Variants in PDE12 observed in about 807,000 individuals in gnomAD.
PDE12 encodes the protein 2',5'-phosphodiesterase 12.
A neutral mutation model predicts 45.4 loss-of-function variants in PDE12; 26 were observed. That is an observed-to-expected ratio of 0.57 (90% CI 0.42 to 0.79). PDE12 has a LOEUF of 0.79. PDE12 is among the 30% of genes least tolerant of loss of function. PDE12 has a pLI of 0.00. For missense variants in PDE12, 668 were observed against 790.0 expected (o/e 0.85, Z 1.85); for synonymous variants, 283 against 323.9 (o/e 0.87, Z 1.36).
chr3:57,591,513 C>T, the PDE12 span, among the ~76,000 whole-genome samples: 1 of 150,306 alleles, frequency 6.7e-6, no homozygotes, highest in Non-Finnish European at 1.5e-5. Flanking sequence ...GTCACCTAGG[C>T]TGGAGTGCAA....
rs772788019 is a variant in PDE12, at chr3:57,559,391, A to G, written c.1387+3A>G. On this transcript the variant is annotated splice_donor_region_variant and intron_variant, in intron 2 of 2. Transcript: ENST00000311180. ...CCATCTTTACTGGCATCCTAAAGGT[A>G]GGTTTTATTTGGTATCACAAGTGAC... 3.7e-6 allele frequency: 6 copies of G among 1,607,266 alleles called. No individual in the cohort carries two copies. In the South Asian group the frequency reaches 4.4e-5, roughly 12 times the overall value.
the PDE12 span, among the ~76,000 whole-genome samples, chr3:57,614,513 C>A: frequency 4.0e-5 from 6 of 150,392 alleles, no homozygotes; most frequent in African/African-American, 1.5e-4. Context: ...GTGGCTCACG[C>A]CTGTAATCCG....
chr3:57,563,351 T>C lies in PDE12; in HGVS notation c.*3347T>C, dbSNP rs2069746524. The C allele has an allele frequency of 6.6e-6, 1 of 152,132 alleles. No homozygotes were observed. Among genetic ancestry groups the C allele is most frequent in the African/African-American group, 2.4e-5 (1 of 41,428 alleles). The allele number at this position is 152,132 out of a possible 1,614,324, so 9.4% of individuals were successfully genotyped here. On this transcript the variant is annotated 3_prime_UTR_variant, in exon 3 of 3. Coordinates refer to ENST00000311180, the MANE Select transcript of PDE12 (RefSeq NM_177966.7). The stretch of plus-strand genomic sequence containing the variant: ...CATAACTGAAAACTAACTTTCTTTT[T>C]TTCTTTTTTTATTATTATACTTTAA...
chr3:57,571,971 C>G, the PDE12 span: 2 of 443,588 alleles, frequency 4.5e-6, no homozygotes, highest in East Asian at 7.4e-5. Context: ...GGCATTTACG[C>G]TTATGGGAAG....
At chr3:57,597,084 G>A in the PDE12 span, 1 of 1,613,982 alleles carries the variant, frequency 6.2e-7, no homozygotes, top group East Asian at 2.2e-5. Flanking sequence ...CCATCAAAAT[G>A]CGCATCTGCT....
At chr3:57,618,607 G>GTTTTTTTTTTT in the PDE12 span, among the ~76,000 whole-genome samples, 38 of 79,396 alleles carry the variant, frequency 4.8e-4, 2 homozygotes, top group South Asian at 1.2e-3. Flanking sequence ...TTGCTTTTGT[G>GTTTTTTTTTTT]TTTTTTTTTT....
At chr3:57,583,444 T>C in the PDE12 span, among the ~76,000 whole-genome samples, 3 of 152,182 alleles carry the variant, frequency 2.0e-5, no homozygotes, top group Non-Finnish European at 4.4e-5. Flanking sequence ...TATATATACA[T>C]ACTATGTGGC....
At chr3:57,586,925 A>G in the PDE12 span, among the ~76,000 whole-genome samples, 2 of 152,122 alleles carry the variant, frequency 1.3e-5, no homozygotes, top group African/African-American at 4.8e-5. Flanking sequence ...ATTGAAACTG[A>G]GACGCTGATT....
chr3:57,654,613 T>C, the PDE12 span: 1 of 982,080 alleles, frequency 1.0e-6, no homozygotes, highest in African/African-American at 1.7e-5. Context: ...AATGTCTATT[T>C]CTTTCAACAG....
chr3:57,641,578 A>G, the PDE12 span: 1 of 1,285,432 alleles, frequency 7.8e-7, no homozygotes, highest in South Asian at 1.6e-5. Flanking sequence ...CATAAAAAAT[A>G]ATCAAGGATG....
chr3:57,645,610 A>C, the PDE12 span: 6 of 1,350,866 alleles, frequency 4.4e-6, no homozygotes, highest in South Asian at 1.3e-5. Flanking sequence ...AATTCTACAC[A>C]ATTTTGGTTA....
chr3:57,585,515 AAAC>A, the PDE12 span, among the ~76,000 whole-genome samples: 17 of 152,334 alleles, frequency 1.1e-4, no homozygotes, highest in South Asian at 1.2e-3. Flanking sequence ...TACCTAATGT[AAAC>A]AACGAGTTAA....
At chr3:57,583,254 T>C in the PDE12 span, among the ~76,000 whole-genome samples, 1 of 152,142 alleles carries the variant, frequency 6.6e-6, no homozygotes, top group African/African-American at 2.4e-5. Flanking sequence ...GATATGCATA[T>C]TAAAGTTTAA....
chr3:57,592,562 T>C, the PDE12 span, among the ~76,000 whole-genome samples: 1 of 152,124 alleles, frequency 6.6e-6, no homozygotes, highest in Non-Finnish European at 1.5e-5. Context: ...TACGGAAAAA[T>C]GTGAACTTAG....
At chr3:57,587,770 C>T in the PDE12 span, among the ~76,000 whole-genome samples, 2 of 151,984 alleles carry the variant, frequency 1.3e-5, no homozygotes, top group East Asian at 1.9e-4. Context: ...AAAAATAATG[C>T]GCCCATAATG....
the PDE12 span, chr3:57,628,371 T>A: frequency 6.2e-7 from 1 of 1,607,892 alleles, no homozygotes; most frequent in East Asian, 2.2e-5. Context: ...TTCATAACAT[T>A]TAAATTATCC....
the PDE12 span, among the ~76,000 whole-genome samples, chr3:57,644,701 G>GGAAAGACAGAAAGAAAAGGAAAA: frequency 1.4e-5 from 1 of 69,198 alleles, no homozygotes. Flanking sequence ...GAGGGGAGGG[G>GGAAAGACAGAAAGAAAAGGAAAA]AGGGGAGGGG....
the PDE12 span, chr3:57,646,320 C>G: frequency 6.2e-7 from 1 of 1,607,606 alleles, no homozygotes; most frequent in Non-Finnish European, 8.5e-7. Context: ...ACTCACTTAA[C>G]AAGTGCCAAT....
At chr3:57,579,044 C>T in the PDE12 span, among the ~76,000 whole-genome samples, 1 of 151,932 alleles carries the variant, frequency 6.6e-6, no homozygotes, top group African/African-American at 2.4e-5. Context: ...CGCCTGTAAT[C>T]CCAGCATTCT....
Sources: gnomAD v4.1 joint callset for allele counts (sites outside exome capture counted in the v4.1 genomes callset) on GRCh38, gnomAD v4.1.1 for gene constraint, MANE v1.5 for transcripts, NCBI Gene and HGNC (gene_info 2026-07-23, HGNC 2026-07-21) for gene names.